Variants in KCNIP1 observed in about 807,000 individuals in gnomAD.
KCNIP1 encodes potassium voltage-gated channel interacting protein 1, also known as A-type potassium channel modulatory protein KCNIP1.
KCNIP1 carries 18 observed loss-of-function variants against 33.0 expected under a neutral mutation model. That is an observed-to-expected ratio of 0.55 (90% CI 0.38 to 0.81). The LOEUF (loss-of-function observed/expected upper bound fraction) is 0.81, where lower values mean the gene tolerates loss of function less well. KCNIP1 is among the 30% of genes least tolerant of loss of function. KCNIP1 has a pLI of 0.00. For missense variants in KCNIP1, 238 were observed against 271.6 expected, an observed-to-expected ratio of 0.88 and a Z score of 0.87; for synonymous variants, 93 against 98.3, an observed-to-expected ratio of 0.95 and a Z score of 0.32.
intron 1 of KCNIP1, among the ~76,000 whole-genome samples, chr5:170,398,543 C>A (rs1169747452): frequency 6.6e-6 from 1 of 152,138 alleles, no homozygotes; most frequent in African/African-American, 2.4e-5. Flanking sequence ...AATTTGCTTT[C>A]TTTAGATTAC....
At chr5:170,629,459 C>G (rs1271240189) in intron 1 of KCNIP1, among the ~76,000 whole-genome samples, 2 of 152,226 alleles carry the variant, frequency 1.3e-5, no homozygotes, top group African/African-American at 4.8e-5. Flanking sequence ...CAGCAACCAA[C>G]CAGCCCTGGG....
intron 1 of KCNIP1, among the ~76,000 whole-genome samples, chr5:170,567,396 C>T (rs190359259): frequency 1.1e-4 from 17 of 152,094 alleles, no homozygotes; most frequent in African/African-American, 4.1e-4. Flanking sequence ...TCAGACCAAA[C>T]ATCAGATGGG....
At chr5:170,390,517 A>AAAATATATATATATATAT in intron 1 of KCNIP1, among the ~76,000 whole-genome samples, 16 of 74,534 alleles carry the variant, frequency 2.1e-4, no homozygotes, top group African/African-American at 4.5e-4. Flanking sequence ...AAAAAAAACA[A>AAAATATATATATATATAT]ATATATATAT....
intron 1 of KCNIP1, among the ~76,000 whole-genome samples, chr5:170,355,160 A>ACCAT (rs1270885867): frequency 6.6e-6 from 1 of 152,084 alleles, no homozygotes; most frequent in Non-Finnish European, 1.5e-5. Context: ...TTATTTCCCT[A>ACCAT]CCATCCTTCT....
intron 1 of KCNIP1, among the ~76,000 whole-genome samples, chr5:170,440,323 AC>A (rs1424425518): frequency 1.3e-5 from 2 of 152,208 alleles, no homozygotes; most frequent in Non-Finnish European, 2.9e-5. Flanking sequence ...GGGCCCAGAT[AC>A]CTAAACAGAA....
At chr5:170,409,841 T>A (rs1755135013) in intron 1 of KCNIP1, among the ~76,000 whole-genome samples, 1 of 152,182 alleles carries the variant, frequency 6.6e-6, no homozygotes, top group African/African-American at 2.4e-5. Context: ...ATGGGCAACA[T>A]AATGTATTTC....
chr5:170,496,512 A>T (rs560335892), intron 1 of KCNIP1, among the ~76,000 whole-genome samples: 1 of 152,182 alleles, frequency 6.6e-6, no homozygotes, highest in Non-Finnish European at 1.5e-5. Flanking sequence ...GTCTTTCCTT[A>T]TGGGGCTATT....
chr5:170,576,821 T>C (rs553395506), intron 1 of KCNIP1, among the ~76,000 whole-genome samples: 1 of 152,380 alleles, frequency 6.6e-6, no homozygotes, highest in South Asian at 2.1e-4. Context: ...AAAATGGCAT[T>C]CTTCTTGGCT....
intron 1 of KCNIP1, among the ~76,000 whole-genome samples, chr5:170,357,845 A>T (rs1316660917): frequency 2.0e-5 from 3 of 152,128 alleles, no homozygotes; most frequent in Non-Finnish European, 4.4e-5. Context: ...ACTTTAGACC[A>T]CTGCTTCCCC....
intron 1 of KCNIP1, among the ~76,000 whole-genome samples, chr5:170,428,659 T>C (rs1295343417): frequency 6.6e-6 from 1 of 152,142 alleles, no homozygotes; most frequent in Non-Finnish European, 1.5e-5. Flanking sequence ...ACAGACATCA[T>C]AGCCTCACGA....
chr5:170,732,905 G>GT lies in KCNIP1; in HGVS notation c.540+2dup, dbSNP rs1380189862. 2 of 1,584,466 alleles carry GT rather than the reference G, an allele frequency of 1.3e-6. No individual in the cohort carries two copies. Among genetic ancestry groups the GT allele is most frequent in the Admixed American group, 1.7e-5 (1 of 59,974 alleles). On this transcript the variant is annotated splice_donor_variant, in intron 6 of 7. Coordinates refer to ENST00000328939, the MANE Select transcript of KCNIP1 (RefSeq NM_014592.4). LOFTEE classifies it high-confidence loss of function. ...GCAGCATGTGGACGTCTTCTTCCAG[G>GT]TAAGTGCACACACCCTGCACATGAG...
chr5:170,469,723 C>G (rs1756681518), intron 1 of KCNIP1, among the ~76,000 whole-genome samples: 1 of 152,222 alleles, frequency 6.6e-6, no homozygotes, highest in Non-Finnish European at 1.5e-5. Context: ...TGCTGCATTG[C>G]AAAGCCACCT....
intron 1 of KCNIP1, among the ~76,000 whole-genome samples, chr5:170,715,142 T>G (rs1428070374): frequency 1.3e-5 from 2 of 152,232 alleles, no homozygotes; most frequent in Non-Finnish European, 2.9e-5. Flanking sequence ...CTTAAAATAC[T>G]TACCATTGTG....
chr5:170,429,734 T>C (rs1288489651), intron 1 of KCNIP1, among the ~76,000 whole-genome samples: 2 of 152,262 alleles, frequency 1.3e-5, no homozygotes, highest in Non-Finnish European at 2.9e-5. Flanking sequence ...TTTCTTCACC[T>C]GGCTTGTTTC....
chr5:170,657,274 G>A (rs1317934005), intron 1 of KCNIP1, among the ~76,000 whole-genome samples: 7 of 152,132 alleles, frequency 4.6e-5, no homozygotes, highest in Admixed American at 3.9e-4. Context: ...GGGATTACAG[G>A]TGTGAGTCAC....
intron 1 of KCNIP1, among the ~76,000 whole-genome samples, chr5:170,650,022 G>A (rs565640431): frequency 6.6e-6 from 1 of 152,294 alleles, no homozygotes; most frequent in South Asian, 2.1e-4. Flanking sequence ...GTGCTTTATA[G>A]CATGAGTGGC....
intron 1 of KCNIP1, among the ~76,000 whole-genome samples, chr5:170,638,614 G>C (rs1023083348): frequency 6.6e-6 from 1 of 152,174 alleles, no homozygotes; most frequent in Non-Finnish European, 1.5e-5. Flanking sequence ...GTGATAGTGA[G>C]GTTGTCCTCA....
rs984122746 is a variant in KCNIP1 at position 170,703,118 on chromosome 5, C to A, written c.62-15640C>A. Among the ~76,000 whole-genome samples, 10 of 137,604 alleles carry A rather than the reference C, an allele frequency of 7.3e-5. 2 individuals carry two copies. Among genetic ancestry groups the A allele is most frequent in the African/African-American group, 2.7e-4 (10 of 37,488 alleles). 90.3% of individuals were successfully genotyped at this position (137,604 alleles called of 152,430 possible). Reference sequence around the variant, plus strand: ...GTACATTTAAGGACACGGCTTGATTCTTTAATCACAGGGCATCCTGTCTTC... The same window carrying A: ...GTACATTTAAGGACACGGCTTGATTATTTAATCACAGGGCATCCTGTCTTC... On this transcript the variant is annotated intron_variant, in intron 1 of 7. Transcript: ENST00000328939.
chr5:170,384,385 C>A (rs1005311517), intron 1 of KCNIP1, among the ~76,000 whole-genome samples: 2 of 152,158 alleles, frequency 1.3e-5, no homozygotes, highest in African/African-American at 2.4e-5. Flanking sequence ...CTAAAAGGAG[C>A]AGATGTAGAA....
Sources: allele counts gnomAD v4.1 joint callset (sites outside exome capture counted in the v4.1 genomes callset), GRCh38; gene constraint gnomAD v4.1.1; transcripts MANE v1.5; gene names NCBI Gene and HGNC (gene_info 2026-07-23, HGNC 2026-07-21).